TP53BP1: variants seen among roughly 807,000 people sequenced by gnomAD.
The protein encoded by TP53BP1 is TP53-binding protein 1.
A neutral mutation model predicts 200.8 loss-of-function variants in TP53BP1; 61 were observed. That is an observed-to-expected ratio of 0.30 (90% CI 0.25 to 0.38). TP53BP1 has a LOEUF of 0.38. TP53BP1 is among the 10% of genes least tolerant of loss of function. The probability of loss-of-function intolerance (pLI) is 1.00; values close to 1 mark genes in which losing one functional copy is unlikely to be tolerated. For missense variants in TP53BP1, 2,144 were observed against 2,371.9 expected (o/e 0.90, Z 2.00); for synonymous variants, 822 against 844.3 (o/e 0.97, Z 0.46).
rs1595503612 is a variant in TP53BP1, at chr15:43,403,448, T to G, written c.*3935A>C. On this transcript the variant is annotated 3_prime_UTR_variant, in exon 28 of 28. Coordinates refer to ENST00000382044, the MANE Select transcript of TP53BP1 (RefSeq NM_001141980.3). ...GAGTTAAATGTGGCTAGATTGGAGG[T>G]TTGGTGCAGGGCTAAGAGAGTAATA... The G allele has an allele frequency of 2.7e-6, 1 of 377,212 alleles. No individual in the cohort carries two copies. The allele number at this position is 377,212 out of a possible 1,614,324, so 23.4% of individuals were successfully genotyped here. A position where few individuals can be genotyped will look rare whatever the true frequency, so the allele number is the denominator to read the frequency against.
At chr15:43,507,678 A>C (rs1362183084) in intron 1 of TP53BP1, among the ~76,000 whole-genome samples, 1 of 151,816 alleles carries the variant, frequency 6.6e-6, no homozygotes, top group Non-Finnish European at 1.5e-5. Flanking sequence ...TTTGCTTATA[A>C]AATTCTGGGA....
intron 10 of TP53BP1, among the ~76,000 whole-genome samples, chr15:43,474,133 C>T (rs909217073): frequency 6.6e-6 from 1 of 152,174 alleles, no homozygotes; most frequent in East Asian, 1.9e-4. Context: ...CTAAGCCCCT[C>T]ATTGCCCGGG....
intron 1 of TP53BP1, among the ~76,000 whole-genome samples, chr15:43,502,379 C>T (rs1318506841): frequency 1.3e-5 from 2 of 152,200 alleles, no homozygotes; most frequent in Non-Finnish European, 2.9e-5. Flanking sequence ...TATACTTCCA[C>T]TAACAACATA....
rs374676940 is a variant in TP53BP1, at chr15:43,432,510, G to C, written c.3359C>G (p.Pro1120Arg). The change falls in exon 17 of 28, where the codon CCT becomes CGT. Residue 1120 changes from proline (P) to arginine (R), a missense_variant. Transcript: ENST00000382044. Reference protein sequence around the residue: ...QKMVIQGPSSPQGEAMVTDVL... With the variant: ...QKMVIQGPSSRQGEAMVTDVL... ...ATCTGTCACCATTGCCTCTCCTTGAGGACTGGATGGCCCTTGTATGACCAT... is the reference window on the plus strand; with the variant it reads ...ATCTGTCACCATTGCCTCTCCTTGACGACTGGATGGCCCTTGTATGACCAT... 4.2e-5 allele frequency: 67 copies of C among 1,614,032 alleles called. 1 individual carries two copies. The highest frequency in any genetic ancestry group is 6.7e-5 in the East Asian group (3 of 44,898).
At chr15:43,444,465 C>CT in intron 14 of TP53BP1, among the ~76,000 whole-genome samples, 1 of 152,274 alleles carries the variant, frequency 6.6e-6, no homozygotes, top group African/African-American at 2.4e-5. Context: ...CCATGTAATA[C>CT]TTTAACTCAG....
At chr15:43,445,502 A>G (rs2046021440) in intron 14 of TP53BP1, among the ~76,000 whole-genome samples, 1 of 152,188 alleles carries the variant, frequency 6.6e-6, no homozygotes, top group South Asian at 2.1e-4. Flanking sequence ...TGAAAAAATT[A>G]TAAGCTTCAG....
In TP53BP1 at chr15:43,492,415, C is replaced by T. The variant is rs762700225; in HGVS notation, c.61G>A (p.Asp21Asn). 34 of 1,613,954 alleles carry T rather than the reference C, an allele frequency of 2.1e-5. No individual in the cohort carries two copies. The highest frequency in any genetic ancestry group is 3.3e-5 in the Admixed American group (2 of 59,986). ...TCTTCAATTATCAGGCAAGGAGTAT[C>T]TTGCTGAGAGAAATCTGAATCCAAC... The part of the protein sequence containing the change: ...SQLDSDFSQQ[D>N]TPCLIIEDSQ... Residue 21 changes from aspartate to asparagine, a missense_variant, in exon 2 of 28, where the codon GAT becomes AAT. By Grantham distance (23) the Asp-to-Asn change is conservative. Coordinates refer to ENST00000382044, the MANE Select transcript of TP53BP1 (RefSeq NM_001141980.3).
chr15:43,503,056 C>CT (rs1409791605), intron 1 of TP53BP1, among the ~76,000 whole-genome samples: 2 of 152,272 alleles, frequency 1.3e-5, no homozygotes, highest in African/African-American at 4.8e-5. Context: ...CCCGGCCTAT[C>CT]TTGTGTTTTT....
At chr15:43,437,530 G>A (rs2045826113) in intron 16 of TP53BP1, among the ~76,000 whole-genome samples, 1 of 151,938 alleles carries the variant, frequency 6.6e-6, no homozygotes, top group African/African-American at 2.4e-5. Context: ...TACTTGGGAG[G>A]CTGAAGCCCA....
In TP53BP1 at chr15:43,474,657, G is replaced by A. The variant is rs377035810; in HGVS notation, c.1180+16C>T. The A allele has an allele frequency of 1.5e-4, 229 of 1,567,994 alleles. No individual in the cohort carries two copies. Among genetic ancestry groups the A allele is most frequent in the Non-Finnish European group, 1.9e-4 (216 of 1,139,370 alleles). ...TCTTCTAATCTGAGATCAACAGACA[G>A]ATCAAGAGAGCTCACCTTGTCTCCC... On this transcript the variant is annotated intron_variant, in intron 10 of 27. Coordinates refer to ENST00000382044, the MANE Select transcript of TP53BP1 (RefSeq NM_001141980.3).
At chr15:43,482,565 G>A (rs1383144243) in intron 4 of TP53BP1, among the ~76,000 whole-genome samples, 2 of 152,104 alleles carry the variant, frequency 1.3e-5, no homozygotes, top group Admixed American at 1.3e-4. Flanking sequence ...TCAGGAGATC[G>A]AGACCATCCC....
chr15:43,491,426 T>C (rs1356427064), intron 4 of TP53BP1, among the ~76,000 whole-genome samples: 1 of 152,168 alleles, frequency 6.6e-6, no homozygotes, highest in African/African-American at 2.4e-5. Flanking sequence ...GGAATGCTTA[T>C]TTTGTTTCAC....
In TP53BP1 at chr15:43,475,176, A is replaced by G. The variant is rs45489293; in HGVS notation, c.1085+389T>C. ...AGAAAACTAAAACTAAACAAAAAAA[A>G]CCAACAAGCGAACCTCTTTGCCCTA... is the stretch of plus-strand genomic sequence containing the variant. On this transcript the variant is annotated intron_variant, in intron 9 of 27. Transcript: ENST00000382044. 2.1e-3 allele frequency among the ~76,000 whole-genome samples: 314 copies of G among 152,320 alleles called. 2 individuals are homozygous for G. Among genetic ancestry groups the G allele is most frequent in the African/African-American group, 7.1e-3 (294 of 41,574 alleles).
chr15:43,454,568 G>A (rs557053071), intron 12 of TP53BP1, among the ~76,000 whole-genome samples: 29 of 151,918 alleles, frequency 1.9e-4, no homozygotes, highest in Middle Eastern at 6.8e-3. Flanking sequence ...TCTCCATGTT[G>A]GTCAGGCTAG....
chr15:43,492,357 T>G lies in TP53BP1; in HGVS notation c.119A>C (p.Asp40Ala). ...SQPESQVLED[D>A]SGSHFSMLSR... ...TAGCATACTGAAGTGAGAACCAGAA[T>G]CATCCTCTAGAACCTGGCTTTCAGG... The change falls in exon 2 of 28, where the codon GAT (aspartate) becomes GCT (alanine). Residue 40 changes from aspartate (D) to alanine (A), a missense_variant. Coordinates refer to ENST00000382044, the MANE Select transcript of TP53BP1 (RefSeq NM_001141980.3). 6.2e-7 allele frequency: 1 copy of G among 1,614,168 alleles called. No homozygotes were observed. Among genetic ancestry groups the G allele is most frequent in the Non-Finnish European group, 8.5e-7 (1 of 1,180,002 alleles).
chr15:43,477,740 TA>T lies in TP53BP1; in HGVS notation c.807del (p.Phe269LeufsTer154). On this transcript the variant is annotated frameshift_variant, in exon 8 of 28. Transcript: ENST00000382044. LOFTEE classifies it high-confidence loss of function. ...PPPARSEDMP[F>X]SPKASVAAME... ...ATAGCAGCAACAGATGCTTTGGGGCTAAAAGGCATGTCCTCTGACCTAGGAA... is the reference window on the plus strand; with the variant it reads ...ATAGCAGCAACAGATGCTTTGGGGCTAAAGGCATGTCCTCTGACCTAGGAA... 1 of 1,610,190 alleles carries T rather than the reference TA, an allele frequency of 6.2e-7. No individual in the cohort carries two copies. The highest frequency in any genetic ancestry group is 8.5e-7 in the Non-Finnish European group (1 of 1,178,560).
In TP53BP1 at chr15:43,474,779, G is replaced by T; in HGVS notation, c.1086-12C>A. The T allele has an allele frequency of 1.3e-6, 2 of 1,572,024 alleles. No individual in the cohort carries two copies. The highest frequency in any genetic ancestry group is 1.7e-6 in the Non-Finnish European group (2 of 1,143,122). On this transcript the variant is annotated splice_polypyrimidine_tract_variant and intron_variant, in intron 9 of 27. Coordinates refer to ENST00000382044, the MANE Select transcript of TP53BP1 (RefSeq NM_001141980.3). The stretch of plus-strand genomic sequence containing the variant: ...GATCTGAAGAATTCCTTTATATAAA[G>T]AGAGAATCACAGGTTATTTTACCAT...
intron 25 of TP53BP1, 64 bp downstream of exon 25, chr15:43,409,583 C>A: frequency 1.1e-6 from 1 of 935,244 alleles, no homozygotes. Context: ...CAGGCCTCTT[C>A]TCAACACAGC....
At chr15:43,467,237 G>A (rs1203431941) in intron 11 of TP53BP1, among the ~76,000 whole-genome samples, 1 of 151,662 alleles carries the variant, frequency 6.6e-6, no homozygotes, top group African/African-American at 2.4e-5. Flanking sequence ...GGCTATTTTT[G>A]ACCATTTGTA....
Sources: gnomAD v4.1 joint callset for allele counts (sites outside exome capture counted in the v4.1 genomes callset) on GRCh38, gnomAD v4.1.1 for gene constraint, MANE v1.5 for transcripts, NCBI Gene and HGNC (gene_info 2026-07-23, HGNC 2026-07-21) for gene names.